The following ADCY3 variants were observed in gnomAD, a reference collection of about 807,000 sequenced individuals.
The protein encoded by ADCY3 is adenylate cyclase 3.
A neutral mutation model predicts 119.4 loss-of-function variants in ADCY3; 70 were observed. The observed-to-expected ratio is 0.59, with a 90% CI of 0.48 to 0.72. The LOEUF (loss-of-function observed/expected upper bound fraction) is 0.72, where lower values mean the gene tolerates loss of function less well. Among genes scored for constraint, ADCY3 ranks in the 30% least tolerant of loss-of-function variants. ADCY3 has a pLI of 0.00. For synonymous variants in ADCY3, 672 were observed against 621.4 expected, an observed-to-expected ratio of 1.08 and a Z score of -1.21; for missense variants, 1,238 against 1,541.6, an observed-to-expected ratio of 0.80 and a Z score of 3.30.
intron 3 of ADCY3, among the ~76,000 whole-genome samples, chr2:24,853,005 G>GGTGTGTGTGTGTGTGT (rs58904311): frequency 3.1e-5 from 3 of 95,320 alleles, no homozygotes; most frequent in Non-Finnish European, 6.0e-5. Context: ...ACAGCTGGAG[G>GGTGTGTGTGTGTGTGT]GTGTGTGTGT....
rs1375081545 is a variant in ADCY3, at chr2:24,834,988, G to A, written c.1663-52C>T. 1 of 1,583,938 alleles carries A rather than the reference G, an allele frequency of 6.3e-7. No individual in the cohort carries two copies. The highest frequency in any genetic ancestry group is 1.3e-5 in the African/African-American group (1 of 74,568). On this transcript the variant is annotated intron_variant, in intron 9 of 21. Coordinates refer to ENST00000679454, the MANE Select transcript of ADCY3 (RefSeq NM_004036.5). The surrounding 1 kb of genome is among the most constrained non-coding windows in gnomAD (Gnocchi z 4.2). ...GGGGCAGATGGGACAGAGTGGTGGG[G>A]AAGAGCTGGGAAAGACAGAGGTGGA...
At chr2:24,852,043 G>A (rs1179892554) in intron 3 of ADCY3, among the ~76,000 whole-genome samples, 1 of 152,200 alleles carries the variant, frequency 6.6e-6, no homozygotes, top group Non-Finnish European at 1.5e-5. Context: ...CAAGCAGCAG[G>A]ACCCAGACCG....
chr2:24,828,172 G>C lies in ADCY3; in HGVS notation c.2173-11C>G, dbSNP rs757402803. On this transcript the variant is annotated splice_polypyrimidine_tract_variant and intron_variant, in intron 13 of 21. Transcript: ENST00000679454. ...CTGGAGACAGCTGAGCTGGAGGCCA[G>C]GACGGCGGGCAGGGACACACGTTCA... is the stretch of plus-strand genomic sequence containing the variant. The C allele has an allele frequency of 1.2e-6, 2 of 1,612,074 alleles. No individual in the cohort carries two copies. Among genetic ancestry groups the C allele is most frequent in the African/African-American group, 2.7e-5 (2 of 75,012 alleles).
intron 2 of ADCY3, among the ~76,000 whole-genome samples, chr2:24,902,072 G>A (rs868329802): frequency 8.2e-6 from 1 of 122,064 alleles, no homozygotes; most frequent in African/African-American, 3.4e-5. Context: ...GTGTGTGTGT[G>A]TGTATTTGGT....
intron 2 of ADCY3, among the ~76,000 whole-genome samples, chr2:24,901,844 A>G (rs537363232): frequency 2.6e-5 from 4 of 152,114 alleles, no homozygotes; most frequent in African/African-American, 9.6e-5. Context: ...GAGTACCTAT[A>G]TAAAAAGGAA....
chr2:24,822,966 C>T (rs905956049), intron 18 of ADCY3, among the ~76,000 whole-genome samples: 8 of 152,204 alleles, frequency 5.3e-5, no homozygotes, highest in African/African-American at 2.4e-5. Flanking sequence ...AGAGAGGTCT[C>T]GAGATGTTGC....
At chr2:24,869,483 G>A (rs1475881344) in intron 3 of ADCY3, among the ~76,000 whole-genome samples, 1 of 152,030 alleles carries the variant, frequency 6.6e-6, no homozygotes, top group South Asian at 2.1e-4. Flanking sequence ...ATGGCTCACT[G>A]CAGCCTCAAC....
At chr2:24,871,134 A>ATTTT (rs11433494) in intron 3 of ADCY3, among the ~76,000 whole-genome samples, 1 of 148,762 alleles carries the variant, frequency 6.7e-6, no homozygotes, top group African/African-American at 2.5e-5. Context: ...TGACACATGC[A>ATTTT]TTTTTTTTTT....
At chr2:24,847,178 T>C (rs2148623987) in intron 3 of ADCY3, among the ~76,000 whole-genome samples, 1 of 152,314 alleles carries the variant, frequency 6.6e-6, no homozygotes, top group South Asian at 2.1e-4. Context: ...TTTCATGTGC[T>C]ATTCTCGTGA....
At chr2:24,840,687 A>G (rs1212928787) in intron 6 of ADCY3, 3 of 372,878 alleles carry the variant, frequency 8.0e-6, no homozygotes, top group Non-Finnish European at 1.7e-5. Flanking sequence ...GAAGTCAACC[A>G]GAGGGACTGC....
chr2:24,857,946 T>C (rs1349533688), intron 3 of ADCY3, among the ~76,000 whole-genome samples: 1 of 151,758 alleles, frequency 6.6e-6, no homozygotes, highest in Non-Finnish European at 1.5e-5. Context: ...TGCTCACAAC[T>C]GTATCCCCAG....
Position 24,841,148 on chromosome 2 carries a change from A to C in ADCY3, c.1196+111T>G. The C allele has an allele frequency of 2.4e-6, 3 of 1,266,300 alleles. No homozygotes were observed. The highest frequency in any genetic ancestry group is 2.1e-6 in the Non-Finnish European group (2 of 945,328). The allele number at this position is 1,266,300 out of a possible 1,614,324, so 78.4% of individuals were successfully genotyped here. A position where few individuals can be genotyped will look rare whatever the true frequency, so the allele number is the denominator to read the frequency against. ...GTGCTGTGTCCCAGTCTCTGCTTCC[A>C]GCAGATCCCCCACCCAGGGGCCATG... On this transcript the variant is annotated intron_variant, in intron 6 of 21. Transcript: ENST00000679454. The surrounding 1 kb of genome is among the most constrained non-coding windows in gnomAD (Gnocchi z 5.8).
chr2:24,830,933 A>G, intron 12 of ADCY3, 108 bp from the exon 13 acceptor site: 1 of 853,852 alleles, frequency 1.2e-6, no homozygotes, highest in Non-Finnish European at 1.9e-6. Flanking sequence ...CAGGAGCCTC[A>G]AAACGGACTC....
chr2:24,851,381 C>T (rs1219477298), intron 3 of ADCY3, among the ~76,000 whole-genome samples: 1 of 152,216 alleles, frequency 6.6e-6, no homozygotes, highest in African/African-American at 2.4e-5. Context: ...AGACACCATC[C>T]ACCCAGTCAA....
Position 24,835,515 on chromosome 2 carries a change from A to G in ADCY3, c.1663-579T>C, listed in dbSNP as rs113342397. On this transcript the variant is annotated intron_variant, in intron 9 of 21. Coordinates refer to ENST00000679454, the MANE Select transcript of ADCY3 (RefSeq NM_004036.5). The stretch of plus-strand genomic sequence containing the variant: ...CACTACCCTTTTATTCCCAGTTCCA[A>G]AGAAAAAGCATCAACTCCAAAAACA... 7.1e-3 allele frequency among the ~76,000 whole-genome samples: 1,076 copies of G among 152,308 alleles called. 10 individuals are homozygous for G. Among genetic ancestry groups the G allele is most frequent in the African/African-American group, 0.025 (1,030 of 41,562 alleles).
chr2:24,875,354 C>G (rs1002978609), intron 2 of ADCY3, among the ~76,000 whole-genome samples: 1 of 152,234 alleles, frequency 6.6e-6, no homozygotes, highest in Non-Finnish European at 1.5e-5. Flanking sequence ...CAACCTCCCC[C>G]ACCCCACCCC....
intron 21 of ADCY3, chr2:24,820,315 G>C (rs760295988): frequency 3.4e-5 from 45 of 1,304,660 alleles, no homozygotes; most frequent in South Asian, 6.7e-5. Flanking sequence ...TGACTGGCTG[G>C]GGGCCTCCTC....
intron 2 of ADCY3, among the ~76,000 whole-genome samples, chr2:24,881,656 G>T (rs1490973132): frequency 6.6e-6 from 1 of 152,234 alleles, no homozygotes; most frequent in Admixed American, 6.5e-5. Context: ...TAGCAAACGT[G>T]AGCTGTGTGA....
At chr2:24,845,222 G>A (rs1323934255) in intron 3 of ADCY3, among the ~76,000 whole-genome samples, 1 of 152,226 alleles carries the variant, frequency 6.6e-6, no homozygotes, top group Non-Finnish European at 1.5e-5. Context: ...CCAAAAACGT[G>A]GAAGTGACTT....
Sources: allele counts gnomAD v4.1 joint callset (sites outside exome capture counted in the v4.1 genomes callset), GRCh38; gene constraint gnomAD v4.1.1; non-coding constraint Gnocchi (gnomAD v3.1); transcripts MANE v1.5; gene names NCBI Gene and HGNC (gene_info 2026-07-23, HGNC 2026-07-21).